The following TFB1M variants were observed in gnomAD, a reference collection of about 807,000 sequenced individuals.
TFB1M encodes dimethyladenosine transferase 1, mitochondrial.
TFB1M carries 27 observed loss-of-function variants against 31.1 expected under a neutral mutation model. The ratio of observed to expected loss-of-function variants is 0.87; its 90% CI spans 0.64 to 1.20. The LOEUF is 1.20. Ranked by LOEUF, TFB1M falls within the 50% of genes most tolerant of loss-of-function variation. The pLI, the probability that TFB1M is intolerant of heterozygous loss-of-function variation, is 0.00. For missense variants in TFB1M, 394 were observed against 418.7 expected (o/e 0.94, Z 0.51); for synonymous variants, 166 against 151.8 (o/e 1.09, Z -0.69).
At chr6:155,307,993 T>TG (rs1419663892) in intron 2 of TFB1M, among the ~76,000 whole-genome samples, 3 of 151,514 alleles carry the variant, frequency 2.0e-5, no homozygotes, top group African/African-American at 7.3e-5. Context: ...AGTTCACAAA[T>TG]GGAGAAGAAC....
intron 2 of TFB1M, among the ~76,000 whole-genome samples, chr6:155,307,175 A>G (rs1777817028): frequency 6.6e-6 from 1 of 152,110 alleles, no homozygotes; most frequent in Non-Finnish European, 1.5e-5. Context: ...ACATATACAC[A>G]CAGACAAATC....
chr6:155,254,569 A>ATT, downstream of TFB1M: 1 of 1,610,016 alleles, frequency 6.2e-7, no homozygotes, highest in Non-Finnish European at 8.5e-7. Flanking sequence ...TTTCGGCCAA[A>ATT]TTAGGTGAGA....
At chr6:155,265,244 C>T (rs961731526) in intron 5 of TFB1M, among the ~76,000 whole-genome samples, 29 of 152,332 alleles carry the variant, frequency 1.9e-4, no homozygotes, top group Admixed American at 1.1e-3. Flanking sequence ...TGGACCCCAG[C>T]GCTGCAGGTC....
the TFB1M span, chr6:155,250,414 C>A: frequency 6.3e-6 from 4 of 639,486 alleles, no homozygotes; most frequent in African/African-American, 5.6e-5. Flanking sequence ...AATTTAGAAT[C>A]TTGTGCTTCT....
At chr6:155,312,326 G>T (rs1041723293) in intron 1 of TFB1M, among the ~76,000 whole-genome samples, 1 of 152,144 alleles carries the variant, frequency 6.6e-6, no homozygotes, top group Non-Finnish European at 1.5e-5. Context: ...TATTATGATG[G>T]ATTTACACAC....
the TFB1M span, among the ~76,000 whole-genome samples, chr6:155,234,266 C>T: frequency 6.6e-6 from 1 of 152,116 alleles, no homozygotes; most frequent in African/African-American, 2.4e-5. Flanking sequence ...TCCTCACACT[C>T]CCAGCCCTAA....
chr6:155,310,129 TAA>T (rs1777953587), intron 2 of TFB1M, among the ~76,000 whole-genome samples: 1 of 152,220 alleles, frequency 6.6e-6, no homozygotes, highest in Non-Finnish European at 1.5e-5. Flanking sequence ...ATTTTTCCAT[TAA>T]TATATATACA....
chr6:155,259,610 C>A (rs1245910106), intron 6 of TFB1M, among the ~76,000 whole-genome samples: 1 of 152,228 alleles, frequency 6.6e-6, no homozygotes, highest in Non-Finnish European at 1.5e-5. Flanking sequence ...AAACAGCGGA[C>A]TATGGATAGA....
chr6:155,256,020 G>A (rs76058666), downstream of TFB1M: 1,981 of 86,442 alleles, frequency 0.023, 14 homozygotes, highest in Non-Finnish European at 0.03. Context: ...TAAAAAAAAA[G>A]GGGGGGGGAG....
At chr6:155,243,226 T>C in the TFB1M span, among the ~76,000 whole-genome samples, 2 of 152,188 alleles carry the variant, frequency 1.3e-5, no homozygotes, top group Admixed American at 1.3e-4. Context: ...TTTGAGATTC[T>C]GTGAATCAGT....
chr6:155,290,999 C>G (rs914799968), intron 4 of TFB1M, among the ~76,000 whole-genome samples: 1 of 152,118 alleles, frequency 6.6e-6, no homozygotes, highest in African/African-American at 2.4e-5. Context: ...CAATTGATTA[C>G]CCATTACTCA....
chr6:155,267,812 T>C (rs968113690), intron 5 of TFB1M, among the ~76,000 whole-genome samples: 1 of 152,190 alleles, frequency 6.6e-6, no homozygotes, highest in African/African-American at 2.4e-5. Context: ...AAAGTTCAGT[T>C]TGAAGGAACA....
At position 155,257,357 on chromosome 6, in the gene TFB1M, G is replaced by C. The variant is rs978062566; in HGVS notation, c.*479C>G. 4 of 499,956 alleles carry C rather than the reference G, an allele frequency of 8.0e-6. No individual in the cohort carries two copies. Among genetic ancestry groups the C allele is most frequent in the Non-Finnish European group, 1.4e-5 (4 of 286,596 alleles). The allele number at this position is 499,956 out of a possible 1,614,324, so 31.0% of individuals were successfully genotyped here. On this transcript the variant is annotated 3_prime_UTR_variant, in exon 7 of 7. Transcript: ENST00000367166. ...ACTTAGTTTATATCCACTTTGAGCA[G>C]GTATCAAATGATTTAGGATCCTTAA...
the TFB1M span, chr6:155,250,830 A>C: frequency 4.2e-5 from 58 of 1,377,336 alleles, no homozygotes; most frequent in Middle Eastern, 1.8e-4. Flanking sequence ...TTTAGCAATG[A>C]CTGTGTGTAC....
the TFB1M span, among the ~76,000 whole-genome samples, chr6:155,239,310 G>GT: frequency 6.6e-6 from 1 of 152,200 alleles, no homozygotes; most frequent in Non-Finnish European, 1.5e-5. Flanking sequence ...GCGTTGTTCA[G>GT]TAAGAATTTC....
At chr6:155,243,646 A>G in the TFB1M span, among the ~76,000 whole-genome samples, 2 of 152,198 alleles carry the variant, frequency 1.3e-5, no homozygotes, top group African/African-American at 4.8e-5. Flanking sequence ...CAGGAGTTCG[A>G]GACCAGCCTG....
the TFB1M span, among the ~76,000 whole-genome samples, chr6:155,231,643 G>T: frequency 2.6e-5 from 4 of 152,046 alleles, no homozygotes; most frequent in African/African-American, 9.7e-5. Context: ...TTCCCCCCAA[G>T]CACTAAATAG....
At chr6:155,292,694 G>A (rs1217972669) in intron 4 of TFB1M, among the ~76,000 whole-genome samples, 1 of 152,110 alleles carries the variant, frequency 6.6e-6, no homozygotes. Context: ...AATACCTGAT[G>A]TTTTGTCAGA....
downstream of TFB1M, chr6:155,254,685 A>AC (rs1783889823): frequency 2.9e-6 from 4 of 1,364,890 alleles, no homozygotes; most frequent in Non-Finnish European, 4.0e-6. Flanking sequence ...TCATCGAGGT[A>AC]CCTTTATCTC....
Sources: gnomAD v4.1 joint callset for allele counts (sites outside exome capture counted in the v4.1 genomes callset) on GRCh38, gnomAD v4.1.1 for gene constraint, MANE v1.5 for transcripts, NCBI Gene and HGNC (gene_info 2026-07-23, HGNC 2026-07-21) for gene names.